KALRN: variants seen among roughly 807,000 people sequenced by gnomAD.
KALRN encodes kalirin.
KALRN carries 70 observed loss-of-function variants against 353.7 expected under a neutral mutation model. That is an observed-to-expected ratio of 0.20 (90% confidence interval 0.16 to 0.24). The LOEUF (loss-of-function observed/expected upper bound fraction) is 0.24. Among genes scored for constraint, KALRN ranks in the 10% least tolerant of loss-of-function variants. The probability of loss-of-function intolerance (pLI) is 1.00; values close to 1 mark genes in which losing one functional copy is unlikely to be tolerated. For missense variants in KALRN, 2,791 were observed against 3,756.7 expected (o/e 0.74, Z 6.72); for synonymous variants, 1,391 against 1,434.8 (o/e 0.97, Z 0.69).
intron 33 of KALRN, among the ~76,000 whole-genome samples, chr3:124,551,984 C>T (rs1030177145): frequency 9.9e-5 from 15 of 152,236 alleles, no homozygotes; most frequent in African/African-American, 3.6e-4. Flanking sequence ...TTTTACCTCT[C>T]TGAGCCTCAA....
chr3:124,107,736 A>G (rs776377427), intron 1 of KALRN, among the ~76,000 whole-genome samples: 1 of 152,212 alleles, frequency 6.6e-6, no homozygotes, highest in African/African-American at 2.4e-5. Flanking sequence ...GGCAGCCAAG[A>G]GAGCTTGCCA....
In KALRN at chr3:124,397,659, A is replaced by G. The variant is rs2090328664; in HGVS notation, c.2172-1038A>G. On this transcript the variant is annotated intron_variant, in intron 12 of 59. Coordinates refer to ENST00000682506, the MANE Select transcript of KALRN (RefSeq NM_001388419.1). ...TTCCCATTATAGTTATCACCACCTC[A>G]TTTTGCTAAGCAAATCAATCTGTTT... Among the ~76,000 whole-genome samples, 3 of 152,116 alleles carry G rather than the reference A, an allele frequency of 2.0e-5. No homozygotes were observed. The South Asian group carries it at 6.2e-4, about 31-fold the overall frequency.
At chr3:124,438,796 G>A (rs1195664494) in intron 17 of KALRN, 92 bp from the exon 18 acceptor site, 14 of 1,099,288 alleles carry the variant, frequency 1.3e-5, no homozygotes, top group Non-Finnish European at 1.3e-6. Context: ...AATGAAAAAT[G>A]TCATATGTGT....
intron 37 of KALRN, among the ~76,000 whole-genome samples, chr3:124,642,814 T>TTTTTTTTTG (rs2082234998): frequency 9.8e-6 from 1 of 102,208 alleles, no homozygotes; most frequent in Non-Finnish European, 2.2e-5. Context: ...TCGTTTTTTT[T>TTTTTTTTTG]TTTTTTTTTT....
intron 1 of KALRN, among the ~76,000 whole-genome samples, chr3:124,122,482 C>T (rs1026858963): frequency 7.9e-5 from 12 of 152,196 alleles, no homozygotes; most frequent in African/African-American, 2.9e-4. Flanking sequence ...TGTAGCAACC[C>T]TGCATTGAGC....
At chr3:124,365,291 A>G (rs2084537773) in intron 10 of KALRN, among the ~76,000 whole-genome samples, 1 of 152,154 alleles carries the variant, frequency 6.6e-6, no homozygotes, top group African/African-American at 2.4e-5. Context: ...ACCTATGGCA[A>G]TGTCCACAAA....
chr3:124,054,444 C>A (rs897008508), intron 1 of KALRN, among the ~76,000 whole-genome samples: 1 of 151,136 alleles, frequency 6.6e-6, no homozygotes, highest in African/African-American at 2.4e-5. Context: ...ACCCTCCTTC[C>A]CTACCTGGCT....
intron 18 of KALRN, 152 bp downstream of exon 18, chr3:124,439,189 C>CTT: frequency 2.5e-6 from 1 of 393,414 alleles, no homozygotes; most frequent in Non-Finnish European, 4.3e-6. Flanking sequence ...TCTTCTCCTT[C>CTT]TCTCTCTCTC....
At chr3:124,343,590 C>T (rs564421815) in intron 9 of KALRN, among the ~76,000 whole-genome samples, 1 of 152,326 alleles carries the variant, frequency 6.6e-6, no homozygotes, top group Admixed American at 6.5e-5. Flanking sequence ...CTTGTTCCTG[C>T]CTTTTCAGGG....
At chr3:124,046,416 T>C (rs889514145) in intron 1 of KALRN, among the ~76,000 whole-genome samples, 3 of 152,214 alleles carry the variant, frequency 2.0e-5, no homozygotes, top group African/African-American at 7.2e-5. Flanking sequence ...CTTATTAAGC[T>C]AACCTCAGTC....
At chr3:124,072,909 C>T (rs1431564122) in intron 1 of KALRN, among the ~76,000 whole-genome samples, 1 of 152,222 alleles carries the variant, frequency 6.6e-6, no homozygotes, top group Non-Finnish European at 1.5e-5. Flanking sequence ...CACCAGGGCC[C>T]TTTGGTTCTC....
Position 124,661,899 on chromosome 3 carries a change from A to G in KALRN, c.6316A>G (p.Met2106Val). The G allele has an allele frequency of 6.2e-7, 1 of 1,614,116 alleles. No individual in the cohort carries two copies. The highest frequency in any genetic ancestry group is 8.5e-7 in the Non-Finnish European group (1 of 1,180,002). ...CLVPKRCNDM[M>V]NLGRLQGFEG... ...TGTTCCCAAACGCTGCAATGACATG[A>G]TGAATCTAGGACGTCTGCAGGGCTT... The change falls in exon 45 of 60, where the codon ATG (methionine) becomes GTG (valine). Residue 2106 changes from methionine to valine, a missense_variant. Met to Val is a conservative substitution (Grantham distance 21). Coordinates refer to ENST00000682506, the MANE Select transcript of KALRN (RefSeq NM_001388419.1).
chr3:124,399,728 A>C (rs1053189736), intron 13 of KALRN, among the ~76,000 whole-genome samples: 4 of 152,206 alleles, frequency 2.6e-5, no homozygotes, highest in Admixed American at 6.5e-5. Flanking sequence ...TTGTTAGTTC[A>C]TCTCATAAAC....
intron 1 of KALRN, among the ~76,000 whole-genome samples, chr3:124,225,663 C>T (rs1011838453): frequency 6.6e-6 from 1 of 152,198 alleles, no homozygotes; most frequent in African/African-American, 2.4e-5. Context: ...ATGGATGAGA[C>T]TTGGAGCTTC....
chr3:124,165,052 A>C (rs1288737681), intron 1 of KALRN, among the ~76,000 whole-genome samples: 1 of 152,222 alleles, frequency 6.6e-6, no homozygotes, highest in African/African-American at 2.4e-5. Flanking sequence ...CAGAGTTTCT[A>C]GGTTTCTCGT....
intron 1 of KALRN, among the ~76,000 whole-genome samples, chr3:124,089,684 T>TG (rs753915493): frequency 2.0e-5 from 3 of 151,896 alleles, no homozygotes; most frequent in South Asian, 2.1e-4. Context: ...GTAGGTGCCT[T>TG]GGGGAAGGCA....
rs79702275 is a variant in KALRN at position 124,557,555 on chromosome 3, G to A, written c.4936-5288G>A. ...GCACAGGAGTTGGCAGGACTTCACGGTGCCCTTGAAACTGTGCCAAGTAGA... is the reference window on the plus strand; with the variant it reads ...GCACAGGAGTTGGCAGGACTTCACGATGCCCTTGAAACTGTGCCAAGTAGA... On this transcript the variant is annotated intron_variant, in intron 33 of 59. Coordinates refer to ENST00000682506, the MANE Select transcript of KALRN (RefSeq NM_001388419.1). Among the ~76,000 whole-genome samples, 798 of 152,316 alleles carry A rather than the reference G, an allele frequency of 5.2e-3. 6 individuals are homozygous for A. The highest frequency in any genetic ancestry group is 6.8e-3 in the Middle Eastern group (2 of 294).
intron 6 of KALRN, among the ~76,000 whole-genome samples, chr3:124,321,916 A>G (rs2079382119): frequency 6.6e-6 from 1 of 152,212 alleles, no homozygotes; most frequent in African/African-American, 2.4e-5. Context: ...ATTTAATAAC[A>G]ACAGACTGCA....
chr3:124,630,439 C>G (rs2080639720), intron 34 of KALRN, among the ~76,000 whole-genome samples: 1 of 152,130 alleles, frequency 6.6e-6, no homozygotes. Context: ...CTCTGTCACC[C>G]AGGCTGGAGT....
Sources: allele counts gnomAD v4.1 joint callset (sites outside exome capture counted in the v4.1 genomes callset), GRCh38; gene constraint gnomAD v4.1.1; transcripts MANE v1.5; gene names NCBI Gene and HGNC (gene_info 2026-07-23, HGNC 2026-07-21).